AK3: variants seen among roughly 807,000 people sequenced by gnomAD.
AK3 encodes adenylate kinase 3.
A neutral mutation model predicts 23.7 loss-of-function variants in AK3; 27 were observed. That is an observed-to-expected ratio of 1.14 (90% confidence interval 0.84 to 1.57). AK3 has a LOEUF of 1.57. AK3 is among the 40% of genes most tolerant of loss of function. The pLI is 0.00. For synonymous variants in AK3, 159 were observed against 116.0 expected, an observed-to-expected ratio of 1.37 and a Z score of -2.38; for missense variants, 406 against 285.6, an observed-to-expected ratio of 1.42 and a Z score of -3.04.
At chr9:4,721,829 T>C (rs1841905135) in intron 2 of AK3, among the ~76,000 whole-genome samples, 1 of 152,242 alleles carries the variant, frequency 6.6e-6, no homozygotes, top group Non-Finnish European at 1.5e-5. Flanking sequence ...ACTTGTTTAC[T>C]ACTTGTCTTC....
intron 1 of AK3, among the ~76,000 whole-genome samples, chr9:4,731,045 G>A (rs970958537): frequency 6.6e-6 from 1 of 152,170 alleles, no homozygotes; most frequent in Admixed American, 6.6e-5. Context: ...AACTGTTGAT[G>A]TTGGTTTTAC....
chr9:4,737,237 T>TTGCC (rs1842317880), intron 1 of AK3, among the ~76,000 whole-genome samples: 1 of 101,980 alleles, frequency 9.8e-6, no homozygotes, highest in South Asian at 4.3e-4. Context: ...TTATGTCTGT[T>TTGCC]TCAATTCTGC....
At chr9:4,731,574 TA>T (rs33935556) in intron 1 of AK3, among the ~76,000 whole-genome samples, 70 of 146,602 alleles carry the variant, frequency 4.8e-4, no homozygotes, top group African/African-American at 5.8e-4. Flanking sequence ...GAAGCTTACT[TA>T]AAAAAAAAAA....
At chr9:4,726,421 T>G (rs1468953797) in intron 1 of AK3, among the ~76,000 whole-genome samples, 2 of 152,178 alleles carry the variant, frequency 1.3e-5, no homozygotes, top group Non-Finnish European at 2.9e-5. Context: ...AGTCATATTC[T>G]AAATCCCTCG....
intron 1 of AK3, among the ~76,000 whole-genome samples, chr9:4,730,356 G>C (rs1842124649): frequency 6.7e-6 from 1 of 149,846 alleles, no homozygotes; most frequent in South Asian, 2.3e-4. Flanking sequence ...TACAGATTTT[G>C]TTTTTTAAAA....
chr9:4,716,892 C>T (rs1440943476), intron 4 of AK3, among the ~76,000 whole-genome samples: 2 of 152,316 alleles, frequency 1.3e-5, no homozygotes, highest in South Asian at 2.1e-4. Flanking sequence ...GAAAGAACCA[C>T]TGCACTCCAA....
In AK3 at chr9:4,728,299, A is replaced by G. The variant is rs145139457; in HGVS notation, c.152-5674T>C. Among the ~76,000 whole-genome samples, 260 of 152,344 alleles carry G rather than the reference A, an allele frequency of 1.7e-3. 1 individual carries two copies. The highest frequency in any genetic ancestry group is 6.1e-3 in the African/African-American group (255 of 41,584). On this transcript the variant is annotated intron_variant, in intron 1 of 4. Transcript: ENST00000381809. ...TAAAAACAAGTGTTAGGCCAGGCAC[A>G]ATGGCTCATGCCTGTAATCCCGGCA...
chr9:4,731,318 G>A (rs144548785), intron 1 of AK3, among the ~76,000 whole-genome samples: 4,223 of 151,982 alleles, frequency 0.028, 206 homozygotes, highest in African/African-American at 0.097. Context: ...CCCTCTATGC[G>A]TCCATGTGTT....
At chr9:4,728,349 T>C (rs571210503) in intron 1 of AK3, among the ~76,000 whole-genome samples, 7 of 152,288 alleles carry the variant, frequency 4.6e-5, no homozygotes, top group Non-Finnish European at 7.3e-5. Flanking sequence ...GGCAGGCGCA[T>C]CACTTGAGGT....
In AK3 at chr9:4,712,881, T is replaced by C. The variant is rs142499153; in HGVS notation, c.*95A>G. ...TAAAAGTAATATAATTTTCAAAGAA[T>C]TCATACATACTAGAAGTCTTAGGAA... is the stretch of plus-strand genomic sequence containing the variant. On this transcript the variant is annotated 3_prime_UTR_variant, in exon 5 of 5. Transcript: ENST00000381809. 1.5e-6 allele frequency: 2 copies of C among 1,362,608 alleles called. No individual in the cohort carries two copies. Among genetic ancestry groups the C allele is most frequent in the Non-Finnish European group, 2.0e-6 (2 of 1,003,456 alleles). The allele number at this position is 1,362,608 out of a possible 1,614,324, so 84.4% of individuals were successfully genotyped here. A position where few individuals can be genotyped will look rare whatever the true frequency, so the allele number is the denominator to read the frequency against.
intron 1 of AK3, among the ~76,000 whole-genome samples, chr9:4,723,154 T>A (rs1317203844): frequency 6.6e-6 from 1 of 152,224 alleles, no homozygotes; most frequent in Non-Finnish European, 1.5e-5. Flanking sequence ...TGTAAATATA[T>A]AGACAGAAAA....
rs114061376 is a variant in AK3 at position 4,737,062 on chromosome 9, T to C, written c.151+3875A>G. 5.9e-3 allele frequency among the ~76,000 whole-genome samples: 893 copies of C among 151,538 alleles called. 12 individuals carry two copies. Among genetic ancestry groups the C allele is most frequent in the African/African-American group, 0.02 (846 of 41,502 alleles). On this transcript the variant is annotated intron_variant, in intron 1 of 4. Coordinates refer to ENST00000381809, the MANE Select transcript of AK3 (RefSeq NM_016282.4). Reference sequence around the variant, plus strand: ...CACTTCAACCTCACGATTTCTACCATAGTTGAACTATTATTCACTATATAG... The same window carrying C: ...CACTTCAACCTCACGATTTCTACCACAGTTGAACTATTATTCACTATATAG...
rs200988894 is a variant in AK3, at chr9:4,710,289, C to A, written c.*2687G>T. 2.0e-5 allele frequency: 3 copies of A among 152,120 alleles called. No individual in the cohort carries two copies. The highest frequency in any genetic ancestry group is 6.6e-5 in the Admixed American group (1 of 15,254). 9.4% of individuals were successfully genotyped at this position (152,120 alleles called of 1,614,324 possible). A position where few individuals can be genotyped will look rare whatever the true frequency, so the allele number is the denominator to read the frequency against. On this transcript the variant is annotated 3_prime_UTR_variant, in exon 5 of 5. Transcript: ENST00000381809. ...GTGGCACGATCTCAGCTCACTGCAA[C>A]CTCCGCCTCCCGGATTCACACCATT...
chr9:4,712,936 G>A lies in AK3; in HGVS notation c.*40C>T, dbSNP rs574591271. 2 of 1,600,882 alleles carry A rather than the reference G, an allele frequency of 1.2e-6. No individual in the cohort carries two copies. The highest frequency in any genetic ancestry group is 2.2e-5 in the East Asian group (1 of 44,682). On this transcript the variant is annotated 3_prime_UTR_variant, in exon 5 of 5. Coordinates refer to ENST00000381809, the MANE Select transcript of AK3 (RefSeq NM_016282.4). ...AGCTTCTAAATGCAAGGACTAGGAGGTTTGCCCATCTTACTATTAATAGTT... is the reference window on the plus strand; with the variant it reads ...AGCTTCTAAATGCAAGGACTAGGAGATTTGCCCATCTTACTATTAATAGTT...
At chr9:4,738,201 T>C (rs1842341398) in intron 1 of AK3, among the ~76,000 whole-genome samples, 1 of 152,230 alleles carries the variant, frequency 6.6e-6, no homozygotes, top group South Asian at 2.1e-4. Context: ...GTTCCGCTCT[T>C]TTCACCTAGG....
chr9:4,724,031 T>G (rs1239794146), intron 1 of AK3, among the ~76,000 whole-genome samples: 1 of 152,214 alleles, frequency 6.6e-6, no homozygotes, highest in Non-Finnish European at 1.5e-5. Flanking sequence ...AATTGTCAGA[T>G]TCATGAAACT....
intron 1 of AK3, 131 bp from the exon 2 acceptor site, chr9:4,722,756 T>A (rs1029782118): frequency 7.3e-7 from 1 of 1,370,056 alleles, no homozygotes; most frequent in African/African-American, 1.4e-5. Context: ...TCAACTTTTC[T>A]GATAAAAACA....
chr9:4,734,615 A>T (rs1842227677), intron 1 of AK3, among the ~76,000 whole-genome samples: 1 of 152,262 alleles, frequency 6.6e-6, no homozygotes, highest in Non-Finnish European at 1.5e-5. Context: ...TTGTTAAAAA[A>T]TACCAATCTA....
At chr9:4,731,216 C>A (rs1347440877) in intron 1 of AK3, among the ~76,000 whole-genome samples, 1 of 152,016 alleles carries the variant, frequency 6.6e-6, no homozygotes, top group African/African-American at 2.4e-5. Flanking sequence ...ATTTCATCAC[C>A]CAGGTATTAA....
Sources: allele counts gnomAD v4.1 joint callset (sites outside exome capture counted in the v4.1 genomes callset), GRCh38; gene constraint gnomAD v4.1.1; transcripts MANE v1.5; gene names NCBI Gene and HGNC (gene_info 2026-07-23, HGNC 2026-07-21).